Variants in TMEM117 observed in about 807,000 individuals in gnomAD.
The protein encoded by TMEM117 is transmembrane protein 117.
Under a neutral mutation model 52.4 loss-of-function variants are expected in TMEM117, and 27 were observed. That is an observed-to-expected ratio of 0.51 (90% confidence interval 0.38 to 0.71). TMEM117 has a LOEUF of 0.71. TMEM117 is among the 30% of genes least tolerant of loss of function. TMEM117 has a pLI of 0.00. For synonymous variants in TMEM117, 215 were observed against 206.3 expected (o/e 1.04, Z -0.36); for missense variants, 556 against 630.5 (o/e 0.88, Z 1.26).
At chr12:44,398,263 A>T in the TMEM117 span, among the ~76,000 whole-genome samples, 2 of 152,206 alleles carry the variant, frequency 1.3e-5, no homozygotes, top group South Asian at 4.1e-4. Flanking sequence ...GCTGCCAAAG[A>T]AGGCAGAAGA....
chr12:44,296,702 G>A (rs1347435619), intron 5 of TMEM117, among the ~76,000 whole-genome samples: 2 of 152,194 alleles, frequency 1.3e-5, no homozygotes, highest in African/African-American at 4.8e-5. Context: ...CCCTGTGTGG[G>A]AAGAAATGCT....
intron 5 of TMEM117, among the ~76,000 whole-genome samples, chr12:44,215,497 G>T (rs777564575): frequency 2.6e-5 from 4 of 152,120 alleles, no homozygotes; most frequent in Non-Finnish European, 5.9e-5. Flanking sequence ...AAAGATCTAA[G>T]AATCTAAATG....
At chr12:43,825,083 T>G in the TMEM117 span, among the ~76,000 whole-genome samples, 1 of 152,234 alleles carries the variant, frequency 6.6e-6, no homozygotes, top group African/African-American at 2.4e-5. Flanking sequence ...ATGTAGACCC[T>G]GTAAGGTCAG....
At chr12:44,334,042 A>T (rs1175135145) in intron 6 of TMEM117, among the ~76,000 whole-genome samples, 4 of 152,040 alleles carry the variant, frequency 2.6e-5, no homozygotes, top group African/African-American at 9.7e-5. Flanking sequence ...CCTCGATAGA[A>T]TTTTTAGAGA....
intron 3 of TMEM117, among the ~76,000 whole-genome samples, chr12:43,999,793 G>A (rs181906981): frequency 5.1e-4 from 78 of 152,174 alleles, no homozygotes; most frequent in Admixed American, 2.9e-3. Context: ...TGCCCGGCTG[G>A]ATATAGATGG....
intron 2 of TMEM117, among the ~76,000 whole-genome samples, chr12:43,877,416 C>T (rs571246575): frequency 6.6e-6 from 1 of 152,040 alleles, no homozygotes; most frequent in South Asian, 2.1e-4. Context: ...GGTGGAACAC[C>T]TGAGGTCAGG....
Position 44,215,732 on chromosome 12 carries a change from A to ATTTT in TMEM117, c.608+4345_608+4346insTTTT, listed in dbSNP as rs1198555409. 3.6e-3 allele frequency among the ~76,000 whole-genome samples: 536 copies of ATTTT among 149,614 alleles called. 4 individuals are homozygous for ATTTT. The highest frequency in any genetic ancestry group is 0.018 in the Middle Eastern group (5 of 274). ...TTCCCAAAGCCTTAGCTTTTTTTAA[A>ATTTT]AAAAAAAAAGACAAAATAGACTTCT... On this transcript the variant is annotated intron_variant, in intron 5 of 7. Coordinates refer to ENST00000266534, the MANE Select transcript of TMEM117 (RefSeq NM_032256.3).
chr12:44,075,537 C>T (rs1425159028), intron 3 of TMEM117, among the ~76,000 whole-genome samples: 1 of 152,140 alleles, frequency 6.6e-6, no homozygotes, highest in East Asian at 1.9e-4. Flanking sequence ...GTTTCTTAGC[C>T]TTAGATTTTT....
At chr12:44,017,175 A>G (rs1047753136) in intron 3 of TMEM117, among the ~76,000 whole-genome samples, 2 of 151,840 alleles carry the variant, frequency 1.3e-5, no homozygotes, top group African/African-American at 4.9e-5. Flanking sequence ...AGCAGGATAC[A>G]TGTAGTATTT....
chr12:44,249,711 C>T (rs957750456), intron 5 of TMEM117, among the ~76,000 whole-genome samples: 2 of 152,098 alleles, frequency 1.3e-5, no homozygotes, highest in Admixed American at 1.3e-4. Flanking sequence ...ATCTGATCTT[C>T]AACAAACCAT....
At chr12:44,091,287 G>A (rs544422576) in intron 3 of TMEM117, among the ~76,000 whole-genome samples, 1 of 152,148 alleles carries the variant, frequency 6.6e-6, no homozygotes, top group Admixed American at 6.5e-5. Flanking sequence ...CCCACAACAC[G>A]TGGGAATTCT....
chr12:44,284,100 G>T (rs1950609849), intron 5 of TMEM117, among the ~76,000 whole-genome samples: 1 of 152,126 alleles, frequency 6.6e-6, no homozygotes, highest in African/African-American at 2.4e-5. Flanking sequence ...AGACCATGAG[G>T]TCAAGAGATG....
intron 3 of TMEM117, among the ~76,000 whole-genome samples, chr12:43,957,367 CTAT>C (rs1028790780): frequency 7.2e-5 from 11 of 152,134 alleles, no homozygotes; most frequent in African/African-American, 2.7e-4. Flanking sequence ...AGGCAACCAA[CTAT>C]ATTAAAATGA....
chr12:44,120,235 G>A (rs540977429), intron 3 of TMEM117, among the ~76,000 whole-genome samples: 2 of 151,896 alleles, frequency 1.3e-5, no homozygotes, highest in African/African-American at 4.8e-5. Flanking sequence ...TCATTTTCCC[G>A]ATGGCTGTCT....
At chr12:44,379,168 A>C (rs913670920) in intron 7 of TMEM117, among the ~76,000 whole-genome samples, 3 of 150,840 alleles carry the variant, frequency 2.0e-5, no homozygotes, top group African/African-American at 7.3e-5. Flanking sequence ...GAAAGGAAGG[A>C]GGGAGGGAAG....
At chr12:43,855,152 G>C (rs1446465278) in intron 2 of TMEM117, among the ~76,000 whole-genome samples, 1 of 152,188 alleles carries the variant, frequency 6.6e-6, no homozygotes, top group Non-Finnish European at 1.5e-5. Context: ...AATGGATTCA[G>C]GTTTGGTCAG....
intron 3 of TMEM117, among the ~76,000 whole-genome samples, chr12:44,136,923 T>C (rs1430866966): frequency 6.6e-6 from 1 of 152,118 alleles, no homozygotes; most frequent in Middle Eastern, 3.2e-3. Context: ...GTCTTTGATG[T>C]TTGCTTTTAT....
chr12:44,073,045 G>T (rs187310467), intron 3 of TMEM117, among the ~76,000 whole-genome samples: 7 of 151,342 alleles, frequency 4.6e-5, no homozygotes, highest in Non-Finnish European at 8.8e-5. Context: ...AGCTGAGGTC[G>T]TACTACTGCA....
intron 3 of TMEM117, chr12:44,008,738 G>C (rs910430754): frequency 2.4e-6 from 1 of 415,676 alleles, no homozygotes; most frequent in Non-Finnish European, 4.8e-6. Context: ...CAGTTCACCT[G>C]TGTGGGTTCT....
Sources: gnomAD v4.1 joint callset for allele counts (sites outside exome capture counted in the v4.1 genomes callset) on GRCh38, gnomAD v4.1.1 for gene constraint, MANE v1.5 for transcripts, NCBI Gene and HGNC (gene_info 2026-07-23, HGNC 2026-07-21) for gene names.